The following SLC44A5 variants were observed in gnomAD, a reference collection of about 807,000 sequenced individuals.
SLC44A5 encodes the protein solute carrier family 44 member 5, also known as choline transporter-like protein 5.
In SLC44A5, 57 loss-of-function variants were observed where a neutral mutation model predicts 101.8. That is an observed-to-expected ratio of 0.56 (90% CI 0.45 to 0.70). The LOEUF (loss-of-function observed/expected upper bound fraction) is 0.70. Among genes scored for constraint, SLC44A5 ranks in the 30% least tolerant of loss-of-function variants. The pLI is 0.00. For missense variants in SLC44A5, 737 were observed against 853.1 expected (o/e 0.86, Z 1.70); for synonymous variants, 281 against 290.9 (o/e 0.97, Z 0.35).
At chr1:75,480,370 C>T (rs1667760658) in intron 2 of SLC44A5, among the ~76,000 whole-genome samples, 1 of 152,140 alleles carries the variant, frequency 6.6e-6, no homozygotes, top group Non-Finnish European at 1.5e-5. Context: ...TCTCACCACC[C>T]CTATTTAACA....
At chr1:75,299,609 GACAGA>G (rs1018440612) in intron 5 of SLC44A5, among the ~76,000 whole-genome samples, 35 of 152,062 alleles carry the variant, frequency 2.3e-4, no homozygotes, top group African/African-American at 8.5e-4. Context: ...GAATTTAAGG[GACAGA>G]ACCTATGTCT....
chr1:75,339,246 T>C (rs1319721731), intron 4 of SLC44A5, among the ~76,000 whole-genome samples: 1 of 149,488 alleles, frequency 6.7e-6, no homozygotes, highest in Non-Finnish European at 1.5e-5. Flanking sequence ...AGTAAACAGG[T>C]GCATAAAACA....
chr1:75,669,877 G>A, the SLC44A5 span, among the ~76,000 whole-genome samples: 1 of 152,162 alleles, frequency 6.6e-6, no homozygotes, highest in Non-Finnish European at 1.5e-5. Flanking sequence ...TGAATGAAAG[G>A]GTTTCTGCCA....
chr1:75,511,867 A>G (rs1669587555), intron 2 of SLC44A5, among the ~76,000 whole-genome samples: 1 of 152,192 alleles, frequency 6.6e-6, no homozygotes, highest in Non-Finnish European at 1.5e-5. Context: ...ACTATTCATT[A>G]ATCCTCTTCC....
At position 75,312,282 on chromosome 1, in the gene SLC44A5, G is replaced by A. The variant is rs151239576; in HGVS notation, c.102-11597C>T. ...CTTTCCTTCATAATTCCCCAGTCTC[G>A]GGTATGTCTTTATTAATAGCATGAG... is the stretch of plus-strand genomic sequence containing the variant. On this transcript the variant is annotated intron_variant, in intron 4 of 23. Transcript: ENST00000370859. 4.1e-3 allele frequency among the ~76,000 whole-genome samples: 631 copies of A among 152,184 alleles called. 16 individuals are homozygous for A. The highest frequency in any genetic ancestry group is 0.039 in the Admixed American group (591 of 15,286).
At chr1:75,329,451 T>A (rs1184921861) in intron 4 of SLC44A5, among the ~76,000 whole-genome samples, 1 of 152,188 alleles carries the variant, frequency 6.6e-6, no homozygotes, top group Non-Finnish European at 1.5e-5. Flanking sequence ...TCTTGATTTT[T>A]TTTTTTTAGT....
rs144556199 is a variant in SLC44A5 at position 75,456,974 on chromosome 1, T to C, written c.14-60353A>G. Among the ~76,000 whole-genome samples, 21 of 152,292 alleles carry C rather than the reference T, an allele frequency of 1.4e-4. No individual in the cohort carries two copies. The East Asian group carries it at 3.9e-3, about 28-fold the overall frequency. On this transcript the variant is annotated intron_variant, in intron 2 of 23. Transcript: ENST00000370859. ...ATTTTCTGATGGGAGAAACAGCCTG[T>C]TATAACACACAGGAGGAAAATAATA... is the stretch of plus-strand genomic sequence containing the variant.
chr1:75,582,987 GTC>G (rs1450900509), intron 1 of SLC44A5, among the ~76,000 whole-genome samples: 7 of 152,186 alleles, frequency 4.6e-5, no homozygotes, highest in African/African-American at 1.7e-4. Flanking sequence ...CCTTGACAGT[GTC>G]TCTTTCAGAT....
chr1:75,439,735 T>C (rs1367087710), intron 2 of SLC44A5, among the ~76,000 whole-genome samples: 3 of 152,080 alleles, frequency 2.0e-5, no homozygotes, highest in Non-Finnish European at 2.9e-5. Flanking sequence ...CAATCCTCTA[T>C]GCAAAGTCCA....
At chr1:75,561,165 A>G (rs1350738966) in intron 1 of SLC44A5, among the ~76,000 whole-genome samples, 1 of 152,200 alleles carries the variant, frequency 6.6e-6, no homozygotes, top group African/African-American at 2.4e-5. Flanking sequence ...ATTTACTAGA[A>G]TCATAATCTG....
At chr1:75,334,196 G>A (rs1657271334) in intron 4 of SLC44A5, among the ~76,000 whole-genome samples, 1 of 152,070 alleles carries the variant, frequency 6.6e-6, no homozygotes, top group Non-Finnish European at 1.5e-5. Context: ...AGAATCTCAG[G>A]TCTATGAGAA....
chr1:75,529,043 C>T (rs891413328), intron 2 of SLC44A5, among the ~76,000 whole-genome samples: 2 of 152,142 alleles, frequency 1.3e-5, no homozygotes, highest in East Asian at 3.8e-4. Context: ...TACTTACCTG[C>T]AACCCACTTT....
intron 4 of SLC44A5, among the ~76,000 whole-genome samples, chr1:75,324,350 A>T (rs1656410714): frequency 6.6e-6 from 1 of 152,192 alleles, no homozygotes; most frequent in Non-Finnish European, 1.5e-5. Context: ...AACAAATAAG[A>T]AATAATTCTT....
intron 3 of SLC44A5, among the ~76,000 whole-genome samples, chr1:75,341,901 AGATCTGAGGAATG>A (rs1451771978): frequency 1.3e-5 from 2 of 152,210 alleles, no homozygotes; most frequent in African/African-American, 2.4e-5. Flanking sequence ...CTAATTCCAT[AGATCTGAGGAATG>A]GGCCTGAGAA....
intron 13 of SLC44A5, among the ~76,000 whole-genome samples, chr1:75,223,969 TAAAA>T (rs930008475): frequency 6.6e-6 from 1 of 152,166 alleles, no homozygotes; most frequent in Non-Finnish European, 1.5e-5. Flanking sequence ...ATTGCACCGT[TAAAA>T]AACCCTCTAT....
chr1:75,580,843 AAAAAACAAAGAAAAAG>A (rs1383900310), intron 1 of SLC44A5, among the ~76,000 whole-genome samples: 2 of 151,240 alleles, frequency 1.3e-5, no homozygotes, highest in Non-Finnish European at 2.9e-5. Context: ...GTCTCAAAAA[AAAAAACAAAGAAAAAG>A]AAAAACAAAG....
At chr1:75,539,577 G>A (rs540046788) in intron 2 of SLC44A5, among the ~76,000 whole-genome samples, 22 of 139,222 alleles carry the variant, frequency 1.6e-4, no homozygotes, top group African/African-American at 4.2e-4. Context: ...CATTCCCTGC[G>A]TATGTAAAAA....
At chr1:75,218,829 T>C in intron 16 of SLC44A5, 77 bp from the exon 17 acceptor site, 1 of 1,375,526 alleles carries the variant, frequency 7.3e-7, no homozygotes, top group African/African-American at 1.5e-5. Flanking sequence ...GTTTTCCTCT[T>C]CCCCTTAATT....
chr1:75,267,860 C>A (rs556532452), intron 6 of SLC44A5, among the ~76,000 whole-genome samples: 328 of 152,156 alleles, frequency 2.2e-3, no homozygotes, highest in Non-Finnish European at 3.2e-3. Context: ...CATGAGCCAC[C>A]CTAGCTGGCC....
Sources: gnomAD v4.1 joint callset for allele counts (sites outside exome capture counted in the v4.1 genomes callset) on GRCh38, gnomAD v4.1.1 for gene constraint, MANE v1.5 for transcripts, NCBI Gene and HGNC (gene_info 2026-07-23, HGNC 2026-07-21) for gene names.